Variants in AUTS2 observed in about 807,000 individuals in gnomAD.
The protein encoded by AUTS2 is autism susceptibility gene 2 protein.
A neutral mutation model predicts 112.4 loss-of-function variants in AUTS2; 17 were observed. The observed-to-expected ratio is 0.15, with a 90% CI of 0.10 to 0.23. The LOEUF (loss-of-function observed/expected upper bound fraction) is 0.23. AUTS2 is among the 10% of genes least tolerant of loss of function. The probability of loss-of-function intolerance (pLI) is 1.00; values close to 1 mark genes in which losing one functional copy is unlikely to be tolerated. For missense variants in AUTS2, 1,510 were observed against 1,701.6 expected (o/e 0.89, Z 1.98); for synonymous variants, 751 against 702.7 (o/e 1.07, Z -1.09).
At chr7:70,203,184 G>T (rs1282503412) in intron 4 of AUTS2, among the ~76,000 whole-genome samples, 2 of 109,082 alleles carry the variant, frequency 1.8e-5, no homozygotes, top group African/African-American at 7.2e-5. Flanking sequence ...TCACACTCTG[G>T]GGACTGTGGT....
intron 5 of AUTS2, among the ~76,000 whole-genome samples, chr7:70,671,985 G>A (rs1807668348): frequency 6.6e-6 from 1 of 152,242 alleles, no homozygotes; most frequent in Non-Finnish European, 1.5e-5. Flanking sequence ...GAGGAAATGA[G>A]CAAGAGGCAC....
At chr7:70,677,875 A>G (rs893516238) in intron 5 of AUTS2, among the ~76,000 whole-genome samples, 12 of 152,082 alleles carry the variant, frequency 7.9e-5, no homozygotes, top group African/African-American at 1.2e-4. Context: ...CAAGGTCAGG[A>G]GATCGAGACC....
chr7:69,837,323 G>T (rs1791770507), intron 1 of AUTS2, among the ~76,000 whole-genome samples: 1 of 152,144 alleles, frequency 6.6e-6, no homozygotes, highest in Non-Finnish European at 1.5e-5. Context: ...TTTCAAGACA[G>T]TAGTACTTTC....
At chr7:69,811,562 G>C (rs1208650448) in intron 1 of AUTS2, among the ~76,000 whole-genome samples, 2 of 151,930 alleles carry the variant, frequency 1.3e-5, no homozygotes, top group Non-Finnish European at 2.9e-5. Context: ...TTATCCTCCA[G>C]ACTCAAGGCC....
chr7:70,728,579 G>A (rs1032715952), intron 6 of AUTS2, among the ~76,000 whole-genome samples: 7 of 151,984 alleles, frequency 4.6e-5, no homozygotes, highest in African/African-American at 1.7e-4. Flanking sequence ...ATGGTGGCGG[G>A]CGCCTGTAGT....
intron 1 of AUTS2, among the ~76,000 whole-genome samples, chr7:69,601,465 T>C (rs1171087156): frequency 6.6e-6 from 1 of 152,094 alleles, no homozygotes; most frequent in African/African-American, 2.4e-5. Flanking sequence ...TTCCTATCAG[T>C]GTTGTCCTTT....
chr7:70,208,148 CAAGT>C (rs1345760453), intron 4 of AUTS2, among the ~76,000 whole-genome samples: 1 of 150,512 alleles, frequency 6.6e-6, no homozygotes, highest in East Asian at 2.0e-4. Context: ...AATTTCAAAA[CAAGT>C]AAGAAGGTAT....
intron 5 of AUTS2, among the ~76,000 whole-genome samples, chr7:70,673,524 G>A (rs1318557341): frequency 5.9e-5 from 9 of 152,078 alleles, no homozygotes; most frequent in East Asian, 1.9e-4. Flanking sequence ...GCACCACCAC[G>A]CCCAGCTGAT....
At chr7:69,963,148 A>G (rs563115878) in intron 2 of AUTS2, among the ~76,000 whole-genome samples, 1 of 152,166 alleles carries the variant, frequency 6.6e-6, no homozygotes, top group South Asian at 2.1e-4. Flanking sequence ...AGTTTATGCC[A>G]GGAAATGAAA....
intron 2 of AUTS2, among the ~76,000 whole-genome samples, chr7:70,110,288 G>A (rs73160169): frequency 2.5e-3 from 378 of 152,326 alleles, no homozygotes; most frequent in Non-Finnish European, 4.5e-3. Context: ...GGCCGATGTG[G>A]CTGGATAATC....
chr7:70,615,109 T>G (rs1335116940), intron 5 of AUTS2, among the ~76,000 whole-genome samples: 1 of 152,232 alleles, frequency 6.6e-6, no homozygotes, highest in Admixed American at 6.5e-5. Context: ...CCATTTCCCC[T>G]GTCGTCTTTT....
rs186569006 is a variant in AUTS2 at position 69,817,228 on chromosome 7, G to A, written c.310-82058G>A. 3.5e-3 allele frequency among the ~76,000 whole-genome samples: 538 copies of A among 152,354 alleles called. 2 individuals carry two copies. The highest frequency in any genetic ancestry group is 0.012 in the African/African-American group (513 of 41,590). On this transcript the variant is annotated intron_variant, in intron 1 of 18. Transcript: ENST00000342771. ...AATTGCATAGTAAAGGGATTGCTAA[G>A]ATATAAGCAGGATGCTGGGGAAGCT...
chr7:70,044,884 A>G (rs911568070), intron 2 of AUTS2, among the ~76,000 whole-genome samples: 3 of 152,180 alleles, frequency 2.0e-5, no homozygotes, highest in Non-Finnish European at 2.9e-5. Context: ...TTGGAAATGA[A>G]GACAATTTGA....
chr7:70,329,822 T>A (rs1487699926), intron 4 of AUTS2, among the ~76,000 whole-genome samples: 1 of 152,090 alleles, frequency 6.6e-6, no homozygotes, highest in Non-Finnish European at 1.5e-5. Flanking sequence ...CTAGAGAATT[T>A]ATAAACAAAG....
At chr7:70,775,325 C>A in intron 12 of AUTS2, 32 bp from the exon 13 acceptor site, 1 of 1,600,510 alleles carries the variant, frequency 6.2e-7, no homozygotes, top group Non-Finnish European at 8.5e-7. Flanking sequence ...GAGTGACAGG[C>A]ATGTAACCAA....
chr7:70,330,077 G>A (rs1282815855), intron 4 of AUTS2, among the ~76,000 whole-genome samples: 2 of 152,148 alleles, frequency 1.3e-5, no homozygotes, highest in Non-Finnish European at 2.9e-5. Flanking sequence ...TAAAACTATT[G>A]CATTGGAGAT....
chr7:69,929,960 T>C (rs1013136317), intron 2 of AUTS2, among the ~76,000 whole-genome samples: 16 of 152,212 alleles, frequency 1.1e-4, no homozygotes, highest in African/African-American at 3.9e-4. Context: ...GCCTTGAGCT[T>C]TGTTCTGGGA....
chr7:69,823,770 GA>G (rs200157693), intron 1 of AUTS2, among the ~76,000 whole-genome samples: 4 of 148,328 alleles, frequency 2.7e-5, no homozygotes, highest in Non-Finnish European at 6.0e-5. Context: ...TTGCTAGGTG[GA>G]AAAAAAAACA....
At chr7:70,084,950 G>T (rs147898415) in intron 2 of AUTS2, among the ~76,000 whole-genome samples, 1 of 151,978 alleles carries the variant, frequency 6.6e-6, no homozygotes, top group Admixed American at 6.6e-5. Flanking sequence ...ATAGCTCACC[G>T]TAACCTTGAA....
Sources: gnomAD v4.1 joint callset for allele counts (sites outside exome capture counted in the v4.1 genomes callset) on GRCh38, gnomAD v4.1.1 for gene constraint, MANE v1.5 for transcripts, NCBI Gene and HGNC (gene_info 2026-07-23, HGNC 2026-07-21) for gene names.